The following TRIO variants were observed in gnomAD, a reference collection of about 807,000 sequenced individuals.
TRIO encodes the protein trio Rho guanine nucleotide exchange factor.
In TRIO, 58 loss-of-function variants were observed where a neutral mutation model predicts 351.9. That is an observed-to-expected ratio of 0.16 (90% CI 0.13 to 0.21). TRIO has a LOEUF of 0.21. Among genes scored for constraint, TRIO ranks in the 10% least tolerant of loss-of-function variants. The probability of loss-of-function intolerance (pLI) is 1.00; values close to 1 mark genes in which losing one functional copy is unlikely to be tolerated. For missense variants in TRIO, 3,201 were observed against 4,027.8 expected (o/e 0.79, Z 5.56); for synonymous variants, 1,758 against 1,595.7 (o/e 1.10, Z -2.42).
intron 7 of TRIO, among the ~76,000 whole-genome samples, chr5:14,299,526 G>C (rs553873549): frequency 2.0e-5 from 3 of 152,294 alleles, no homozygotes; most frequent in East Asian, 3.9e-4. Context: ...AAAATGTGTT[G>C]TGTCTCGTCC....
chr5:14,263,843 A>AG (rs1223977950), intron 1 of TRIO, among the ~76,000 whole-genome samples: 1 of 152,240 alleles, frequency 6.6e-6, no homozygotes, highest in East Asian at 1.9e-4. Flanking sequence ...CAGGCTTTAC[A>AG]GGGACATGCA....
intron 33 of TRIO, among the ~76,000 whole-genome samples, chr5:14,411,991 CTTTTTTTT>C (rs112955087): frequency 7.2e-6 from 1 of 138,054 alleles, no homozygotes. Context: ...TTCTTTCTTT[CTTTTTTTT>C]TTTTTTGAGA....
At chr5:14,166,179 A>C (rs1344460999) in intron 1 of TRIO, among the ~76,000 whole-genome samples, 2 of 152,064 alleles carry the variant, frequency 1.3e-5, no homozygotes, top group Non-Finnish European at 2.9e-5. Context: ...TTAGCACCTC[A>C]CTACAGACTT....
chr5:14,492,780 G>C lies in TRIO; in HGVS notation c.7846G>C (p.Ala2616Pro). The change falls in exon 49 of 57, where the codon GCA (alanine) becomes CCA (proline). Residue 2616 changes from alanine (A) to proline (P), a missense_variant. This residue lies in a region of TRIO where 1,089 missense variants were observed against 954.9 expected (regional missense o/e 1.14). Coordinates refer to ENST00000344204, the MANE Select transcript of TRIO (RefSeq NM_007118.4). Reference sequence around the variant, plus strand: ...AGGCTTTGTCCTGGGCCACACCAGTGCAGTCATCGTGGAGAACCCGGACGG... The same window carrying C: ...AGGCTTTGTCCTGGGCCACACCAGTCCAGTCATCGTGGAGAACCCGGACGG... ...IPGFVLGHTSAVIVENPDGTL... is the reference protein window; with the variant it reads ...IPGFVLGHTSPVIVENPDGTL... 6.2e-7 allele frequency: 1 copy of C among 1,614,128 alleles called. No individual in the cohort carries two copies. The highest frequency in any genetic ancestry group is 1.3e-5 in the African/African-American group (1 of 75,046).
chr5:14,436,166 A>T (rs1751574935), intron 34 of TRIO, among the ~76,000 whole-genome samples: 1 of 152,220 alleles, frequency 6.6e-6, no homozygotes, highest in Admixed American at 6.5e-5. Flanking sequence ...TTGGACTTAC[A>T]GTTCCATGTG....
At chr5:14,503,243 C>T (rs1017406639) in intron 54 of TRIO, among the ~76,000 whole-genome samples, 3 of 152,256 alleles carry the variant, frequency 2.0e-5, no homozygotes, top group African/African-American at 7.2e-5. Flanking sequence ...GTCAGAGGAG[C>T]ATGACAGCTG....
intron 49 of TRIO, among the ~76,000 whole-genome samples, chr5:14,496,465 G>C (rs974997223): frequency 7.9e-5 from 12 of 152,176 alleles, no homozygotes; most frequent in Admixed American, 3.9e-4. Flanking sequence ...GACTTTTTGT[G>C]TTCCCTTAAG....
chr5:14,481,441 G>A, intron 44 of TRIO, 100 bp from the exon 45 acceptor site: 1 of 1,508,114 alleles, frequency 6.6e-7, no homozygotes. Flanking sequence ...ACACTAGAGG[G>A]TGGGGAGGAA....
chr5:14,195,791 TC>T (rs1393894177), intron 1 of TRIO, among the ~76,000 whole-genome samples: 1 of 152,214 alleles, frequency 6.6e-6, no homozygotes, highest in Admixed American at 6.5e-5. Context: ...ACTGGATTGC[TC>T]CGATTGTTCC....
chr5:14,206,695 A>G (rs190437286), intron 1 of TRIO, among the ~76,000 whole-genome samples: 1 of 152,186 alleles, frequency 6.6e-6, no homozygotes, highest in African/African-American at 2.4e-5. Flanking sequence ...CATATTCGTT[A>G]TCTGCGTGAG....
At chr5:14,377,911 A>G in intron 19 of TRIO, 101 bp from the exon 20 acceptor site, 1 of 851,288 alleles carries the variant, frequency 1.2e-6, no homozygotes, top group South Asian at 1.5e-5. Context: ...GCTGTCTTGC[A>G]ATGGCATTTG....
chr5:14,309,262 C>T (rs917676025), intron 8 of TRIO, among the ~76,000 whole-genome samples: 5 of 152,196 alleles, frequency 3.3e-5, no homozygotes, highest in African/African-American at 1.2e-4. Flanking sequence ...AGCAAGAAAC[C>T]TGGCTTCTAT....
intron 34 of TRIO, among the ~76,000 whole-genome samples, chr5:14,422,690 A>G (rs75372016): frequency 0.036 from 5,455 of 152,318 alleles, 330 homozygotes; most frequent in African/African-American, 0.12. Context: ...TATCGGCTAT[A>G]TATCCTTAAA....
chr5:14,472,714 T>C, intron 39 of TRIO, 56 bp downstream of exon 39: 1 of 1,585,566 alleles, frequency 6.3e-7, no homozygotes, highest in South Asian at 1.1e-5. Context: ...TTGTCAAAAG[T>C]AGTATCGTTT....
At chr5:14,241,307 T>C (rs368809795) in intron 1 of TRIO, among the ~76,000 whole-genome samples, 2 of 152,320 alleles carry the variant, frequency 1.3e-5, no homozygotes, top group East Asian at 1.9e-4. Context: ...GATTTCATAA[T>C]AGGAAATTGA....
At chr5:14,410,430 C>T (rs1749100925) in intron 33 of TRIO, among the ~76,000 whole-genome samples, 1 of 152,220 alleles carries the variant, frequency 6.6e-6, no homozygotes, top group South Asian at 2.1e-4. Flanking sequence ...GCAAAATGCA[C>T]TGTCCCTCTG....
At chr5:14,335,066 T>C (rs1019680934) in intron 10 of TRIO, among the ~76,000 whole-genome samples, 10 of 152,362 alleles carry the variant, frequency 6.6e-5, no homozygotes, top group Non-Finnish European at 8.8e-5. Context: ...CACATCTGTC[T>C]GTTAAAAACC....
At chr5:14,486,000 AAG>A (rs1436308085) in intron 47 of TRIO, among the ~76,000 whole-genome samples, 3 of 152,076 alleles carry the variant, frequency 2.0e-5, no homozygotes, top group Admixed American at 1.3e-4. Context: ...AAAAAAAAAA[AAG>A]AGACGGTTCA....
chr5:14,254,810 G>A (rs1794939595), intron 1 of TRIO, among the ~76,000 whole-genome samples: 1 of 152,172 alleles, frequency 6.6e-6, no homozygotes, highest in Non-Finnish European at 1.5e-5. Flanking sequence ...TCTTAACAAA[G>A]TTTTGGAACC....
Sources: gnomAD v4.1 joint callset for allele counts (sites outside exome capture counted in the v4.1 genomes callset) on GRCh38, gnomAD v4.1.1 for gene constraint, gnomAD v4.1.1 regional missense constraint, MANE v1.5 for transcripts, NCBI Gene and HGNC (gene_info 2026-07-23, HGNC 2026-07-21) for gene names.